The following KYNU variants were observed in gnomAD, a reference collection of about 807,000 sequenced individuals.
KYNU encodes the protein L-kynurenine hydrolase.
KYNU carries 54 observed loss-of-function variants against 59.2 expected under a neutral mutation model. That is an observed-to-expected ratio of 0.91 (90% CI 0.73 to 1.14). The LOEUF is 1.14. Ranked by LOEUF, KYNU falls within the 50% of genes most tolerant of loss-of-function variation. The pLI is 0.00. For synonymous variants in KYNU, 177 were observed against 192.0 expected (o/e 0.92, Z 0.65); for missense variants, 567 against 554.4 (o/e 1.02, Z -0.23).
intron 4 of KYNU, among the ~76,000 whole-genome samples, chr2:142,946,276 G>C (rs1019316782): frequency 2.0e-5 from 3 of 151,628 alleles, no homozygotes; most frequent in African/African-American, 7.3e-5. Context: ...TAAAAATGGG[G>C]TTTCACCATT....
chr2:142,951,260 A>G (rs1683980918), intron 4 of KYNU, among the ~76,000 whole-genome samples: 2 of 152,262 alleles, frequency 1.3e-5, no homozygotes, highest in Non-Finnish European at 2.9e-5. Flanking sequence ...ACAAACAAAC[A>G]AACAAACAAA....
intron 4 of KYNU, among the ~76,000 whole-genome samples, chr2:142,933,969 A>C (rs946418705): frequency 1.3e-5 from 2 of 152,164 alleles, no homozygotes; most frequent in South Asian, 4.1e-4. Context: ...GAACAGAAAA[A>C]TGGGTGGTAT....
At chr2:142,963,643 G>A (rs1419439550) in intron 8 of KYNU, among the ~76,000 whole-genome samples, 1 of 152,176 alleles carries the variant, frequency 6.6e-6, no homozygotes, top group African/African-American at 2.4e-5. Flanking sequence ...ATAAGGTTGT[G>A]ACATATAAAA....
At chr2:143,017,434 C>CTTTTTTT (rs1184177776) in intron 10 of KYNU, among the ~76,000 whole-genome samples, 406 of 68,406 alleles carry the variant, frequency 5.9e-3, no homozygotes, top group Non-Finnish European at 7.0e-3. Context: ...TCTCTTTTTT[C>CTTTTTTT]TTTTTTTTTT....
Position 142,896,883 on chromosome 2 carries a change from A to C in KYNU, c.169+11347A>C. Among the ~76,000 whole-genome samples, 2 of 152,184 alleles carry C rather than the reference A, an allele frequency of 1.3e-5. 1 individual carries two copies. The highest frequency in any genetic ancestry group is 2.9e-5 in the Non-Finnish European group (2 of 68,020). ...TCTGTAGCTATCTTTTTATTCTCTTATTAGCGTCTATCACAGAACACAAGA... is the reference window on the plus strand; with the variant it reads ...TCTGTAGCTATCTTTTTATTCTCTTCTTAGCGTCTATCACAGAACACAAGA... On this transcript the variant is annotated intron_variant, in intron 2 of 13. Transcript: ENST00000264170.
At chr2:142,963,525 CT>C (rs1177144476) in intron 8 of KYNU, among the ~76,000 whole-genome samples, 4 of 152,116 alleles carry the variant, frequency 2.6e-5, no homozygotes, top group Non-Finnish European at 5.9e-5. Context: ...GCTAAGGGAG[CT>C]TTCTAGAGCC....
chr2:142,949,531 G>A (rs944379016), intron 4 of KYNU, among the ~76,000 whole-genome samples: 5 of 152,170 alleles, frequency 3.3e-5, no homozygotes, highest in African/African-American at 1.2e-4. Context: ...AGCTGCCAAG[G>A]CTTGAGGCTT....
At chr2:142,974,630 G>A (rs1262083326) in intron 8 of KYNU, among the ~76,000 whole-genome samples, 1 of 152,208 alleles carries the variant, frequency 6.6e-6, no homozygotes, top group African/African-American at 2.4e-5. Context: ...GACTAGCTAT[G>A]TAAATCACAT....
At chr2:142,988,964 T>A in intron 10 of KYNU, 1 of 1,269,972 alleles carries the variant, frequency 7.9e-7, no homozygotes, top group Non-Finnish European at 1.1e-6. Context: ...TGCTGAAACT[T>A]AACTTTGTGT....
At chr2:143,006,716 G>C (rs1224962078) in intron 10 of KYNU, among the ~76,000 whole-genome samples, 2 of 151,736 alleles carry the variant, frequency 1.3e-5, no homozygotes, top group East Asian at 3.9e-4. Flanking sequence ...TCTGAGAACT[G>C]GCAGACTGCC....
intron 2 of KYNU, among the ~76,000 whole-genome samples, chr2:142,915,231 T>C (rs1284577572): frequency 6.6e-6 from 1 of 152,148 alleles, no homozygotes; most frequent in African/African-American, 2.4e-5. Context: ...TTCAGGAAAC[T>C]GGAGATTGGA....
intron 2 of KYNU, among the ~76,000 whole-genome samples, chr2:142,896,482 T>C (rs1210867547): frequency 3.3e-5 from 5 of 152,162 alleles, no homozygotes; most frequent in Admixed American, 3.3e-4. Flanking sequence ...TTTTTTTAAT[T>C]GGATTTTTTG....
chr2:142,980,790 T>G (rs1685030943), intron 8 of KYNU, among the ~76,000 whole-genome samples: 1 of 152,136 alleles, frequency 6.6e-6, no homozygotes, highest in Admixed American at 6.6e-5. Context: ...TGGGTAATTT[T>G]AAATAAAATG....
chr2:142,919,356 AGAG>A (rs749368628), intron 3 of KYNU, among the ~76,000 whole-genome samples: 1 of 152,260 alleles, frequency 6.6e-6, no homozygotes, highest in Admixed American at 6.5e-5. Context: ...AGTAACTAAC[AGAG>A]GAGTTAATAT....
At chr2:142,890,792 A>G (rs1420451988) in intron 2 of KYNU, among the ~76,000 whole-genome samples, 1 of 152,184 alleles carries the variant, frequency 6.6e-6, no homozygotes, top group African/African-American at 2.4e-5. Flanking sequence ...TAGCAGTTTT[A>G]AGAATCTTTG....
chr2:142,986,758 G>A (rs938700952), intron 10 of KYNU, among the ~76,000 whole-genome samples: 2 of 151,510 alleles, frequency 1.3e-5, no homozygotes, highest in African/African-American at 4.8e-5. Flanking sequence ...ATTGGAGTAT[G>A]TGTGGTGAGG....
At chr2:142,964,528 T>C (rs1684468540) in intron 8 of KYNU, 2 of 152,226 alleles carry the variant, frequency 1.3e-5, no homozygotes, top group South Asian at 4.1e-4. Context: ...GTTCCCTGAT[T>C]ATTGATAAGA....
intron 10 of KYNU, among the ~76,000 whole-genome samples, chr2:143,002,399 C>T (rs573566795): frequency 5.9e-5 from 9 of 152,112 alleles, no homozygotes; most frequent in Non-Finnish European, 1.2e-4. Context: ...TTCGTGTAGT[C>T]CCTTGTTTCT....
intron 2 of KYNU, among the ~76,000 whole-genome samples, chr2:142,902,526 T>A (rs1417851084): frequency 6.6e-6 from 1 of 152,138 alleles, no homozygotes; most frequent in African/African-American, 2.4e-5. Flanking sequence ...AGGAACCTTT[T>A]ATTTGCTTTA....
Sources: gnomAD v4.1 joint callset for allele counts (sites outside exome capture counted in the v4.1 genomes callset) on GRCh38, gnomAD v4.1.1 for gene constraint, MANE v1.5 for transcripts, NCBI Gene and HGNC (gene_info 2026-07-23, HGNC 2026-07-21) for gene names.